The following EPB41L2 variants were observed in gnomAD, a reference collection of about 807,000 sequenced individuals.
EPB41L2 encodes erythrocyte membrane protein band 4.1 like 2, also known as band 4.1-like protein 2.
In EPB41L2, 43 loss-of-function variants were observed where a neutral mutation model predicts 113.0. The observed-to-expected ratio is 0.38, with a 90% CI of 0.30 to 0.49. EPB41L2 has a LOEUF of 0.49. Ranked by LOEUF, EPB41L2 falls within the 20% of genes least tolerant of loss-of-function variation. EPB41L2 has a pLI of 0.95. For missense variants in EPB41L2, 1,147 were observed against 1,223.4 expected (o/e 0.94, Z 0.93); for synonymous variants, 442 against 436.7 (o/e 1.01, Z -0.15).
chr6:130,850,874 C>T (rs961469081), intron 19 of EPB41L2, among the ~76,000 whole-genome samples: 5 of 152,178 alleles, frequency 3.3e-5, no homozygotes, highest in South Asian at 2.1e-4. Flanking sequence ...TAGATTGTAA[C>T]TGACTCATTG....
chr6:130,894,322 C>G lies in EPB41L2; in HGVS notation c.1487+22G>C, dbSNP rs374540542. 3.1e-6 allele frequency: 5 copies of G among 1,597,336 alleles called. No homozygotes were observed. In the East Asian group the frequency reaches 8.9e-5, roughly 29 times the overall value. Reference sequence around the variant, plus strand: ...GGCATGTGCGATCATGCCCGGCTTCCGAGCTGTTTTCCTAAAATTACCTGT... The same window carrying G: ...GGCATGTGCGATCATGCCCGGCTTCGGAGCTGTTTTCCTAAAATTACCTGT... On this transcript the variant is annotated intron_variant, in intron 10 of 19. Coordinates refer to ENST00000337057, the MANE Select transcript of EPB41L2 (RefSeq NM_001431.4).
intron 1 of EPB41L2, among the ~76,000 whole-genome samples, chr6:130,978,025 T>C (rs1424897647): frequency 6.6e-6 from 1 of 152,184 alleles, no homozygotes; most frequent in East Asian, 1.9e-4. Flanking sequence ...CCAATGTATC[T>C]ATTTCTTTCT....
intron 8 of EPB41L2, among the ~76,000 whole-genome samples, chr6:130,898,987 T>A (rs1014566154): frequency 6.6e-6 from 1 of 152,156 alleles, no homozygotes; most frequent in African/African-American, 2.4e-5. Flanking sequence ...TGGGCCCACC[T>A]ACGTTATCTT....
At chr6:130,955,973 G>A (rs941253506) in intron 2 of EPB41L2, 21 bp downstream of exon 2, 10 of 1,589,298 alleles carry the variant, frequency 6.3e-6, no homozygotes, top group Admixed American at 3.7e-5. Flanking sequence ...TTCATTTCCA[G>A]GCAATTATTC....
At chr6:131,049,985 G>A (rs1360634274) in intron 1 of EPB41L2, among the ~76,000 whole-genome samples, 1 of 152,186 alleles carries the variant, frequency 6.6e-6, no homozygotes, top group Non-Finnish European at 1.5e-5. Context: ...CAGGACTTTG[G>A]TTAAGTTTAA....
At chr6:130,979,133 A>T (rs1450371760) in intron 1 of EPB41L2, among the ~76,000 whole-genome samples, 1 of 152,148 alleles carries the variant, frequency 6.6e-6, no homozygotes, top group Non-Finnish European at 1.5e-5. Flanking sequence ...AAATGCTATT[A>T]ACTTTGTATT....
intron 3 of EPB41L2, among the ~76,000 whole-genome samples, chr6:130,940,333 G>T (rs1290491695): frequency 2.0e-5 from 3 of 152,036 alleles, no homozygotes; most frequent in African/African-American, 7.3e-5. Flanking sequence ...TCCTTGATAC[G>T]CAAGGATATA....
At chr6:130,963,146 G>A (rs568280107) in intron 1 of EPB41L2, among the ~76,000 whole-genome samples, 2 of 152,318 alleles carry the variant, frequency 1.3e-5, no homozygotes, top group Admixed American at 1.3e-4. Context: ...GTCCTGTGCT[G>A]GAGCTTCCTG....
At chr6:130,952,105 C>G (rs1815332749) in intron 3 of EPB41L2, among the ~76,000 whole-genome samples, 1 of 152,146 alleles carries the variant, frequency 6.6e-6, no homozygotes, top group Non-Finnish European at 1.5e-5. Flanking sequence ...GAAGGTATTT[C>G]ACATACATTT....
intron 3 of EPB41L2, among the ~76,000 whole-genome samples, chr6:130,941,797 T>C (rs1028612398): frequency 1.3e-5 from 2 of 152,212 alleles, no homozygotes; most frequent in African/African-American, 4.8e-5. Flanking sequence ...TTATGAGATG[T>C]AGTTTGATTA....
intron 1 of EPB41L2, among the ~76,000 whole-genome samples, chr6:130,975,762 G>T (rs776390637): frequency 2.6e-5 from 4 of 152,160 alleles, no homozygotes; most frequent in African/African-American, 4.8e-5. Context: ...GGTAGCTCAC[G>T]CCTGTAATCC....
At chr6:130,872,850 T>G (rs1159021212) in intron 14 of EPB41L2, among the ~76,000 whole-genome samples, 1 of 152,170 alleles carries the variant, frequency 6.6e-6, no homozygotes, top group African/African-American at 2.4e-5. Context: ...AGGTAGTTCC[T>G]TGGCCTTTCT....
At chr6:131,052,663 A>T (rs1298075710) in intron 1 of EPB41L2, among the ~76,000 whole-genome samples, 1 of 152,194 alleles carries the variant, frequency 6.6e-6, no homozygotes, top group Non-Finnish European at 1.5e-5. Context: ...TTTTGTATAT[A>T]TAAGTTGGAA....
At chr6:130,961,917 A>G (rs939307578) in intron 1 of EPB41L2, among the ~76,000 whole-genome samples, 2 of 152,208 alleles carry the variant, frequency 1.3e-5, no homozygotes, top group Non-Finnish European at 2.9e-5. Flanking sequence ...GAAAACAACA[A>G]AACTTTGCAA....
At chr6:130,920,999 C>T (rs1303423202) in intron 4 of EPB41L2, among the ~76,000 whole-genome samples, 3 of 152,156 alleles carry the variant, frequency 2.0e-5, no homozygotes, top group Non-Finnish European at 4.4e-5. Context: ...AGCTCCCCAG[C>T]TACCCAACCC....
chr6:130,904,873 T>C (rs1797262604), intron 5 of EPB41L2, among the ~76,000 whole-genome samples: 1 of 151,792 alleles, frequency 6.6e-6, no homozygotes. Context: ...GAGATAAGAT[T>C]CAATTTAACC....
chr6:130,856,644 T>G (rs1780305898), intron 19 of EPB41L2, among the ~76,000 whole-genome samples: 1 of 152,190 alleles, frequency 6.6e-6, no homozygotes, highest in South Asian at 2.1e-4. Context: ...AGGTAGAAAA[T>G]GAAAATGTGT....
intron 4 of EPB41L2, among the ~76,000 whole-genome samples, chr6:130,920,448 C>T (rs1392067727): frequency 1.3e-5 from 2 of 152,136 alleles, no homozygotes; most frequent in Admixed American, 1.3e-4. Flanking sequence ...TTCTCCACAG[C>T]CAAACACTTC....
intron 1 of EPB41L2, among the ~76,000 whole-genome samples, chr6:130,965,152 T>TA (rs1484211319): frequency 2.0e-5 from 3 of 152,184 alleles, no homozygotes; most frequent in Non-Finnish European, 2.9e-5. Flanking sequence ...AGACAAGTGT[T>TA]TATTGAGTAC....
Sources: allele counts gnomAD v4.1 joint callset (sites outside exome capture counted in the v4.1 genomes callset), GRCh38; gene constraint gnomAD v4.1.1; transcripts MANE v1.5; gene names NCBI Gene and HGNC (gene_info 2026-07-23, HGNC 2026-07-21).